The following PTPN9 variants were observed in gnomAD, a reference collection of about 807,000 sequenced individuals.
PTPN9 encodes the protein protein tyrosine phosphatase non-receptor type 9.
Under a neutral mutation model 69.8 loss-of-function variants are expected in PTPN9, and 26 were observed. That is an observed-to-expected ratio of 0.37 (90% CI 0.27 to 0.52). The LOEUF is 0.52. Ranked by LOEUF, PTPN9 falls within the 20% of genes least tolerant of loss-of-function variation. The probability of loss-of-function intolerance (pLI) is 0.91; values close to 1 mark genes in which losing one functional copy is unlikely to be tolerated. For synonymous variants in PTPN9, 274 were observed against 272.5 expected (o/e 1.01, Z -0.05); for missense variants, 549 against 740.3 (o/e 0.74, Z 3.00).
chr15:75,493,375 A>T (rs1270502303), intron 7 of PTPN9, among the ~76,000 whole-genome samples: 2 of 152,170 alleles, frequency 1.3e-5, no homozygotes, highest in Non-Finnish European at 2.9e-5. Context: ...ATTAAAAATA[A>T]TATCCAAAAT....
intron 8 of PTPN9, among the ~76,000 whole-genome samples, chr15:75,484,761 C>G (rs998685046): frequency 4.6e-5 from 7 of 152,144 alleles, no homozygotes; most frequent in Admixed American, 6.5e-5. Flanking sequence ...CACTGCATTA[C>G]AGAGAGGTCA....
At chr15:75,480,668 G>A (rs1441752117) in intron 8 of PTPN9, 34 of 1,251,058 alleles carry the variant, frequency 2.7e-5, no homozygotes, top group Admixed American at 3.9e-5. Flanking sequence ...GATATGAAGC[G>A]GAGCCGCTGC....
At chr15:75,535,953 G>A (rs2074980804) in intron 1 of PTPN9, among the ~76,000 whole-genome samples, 1 of 152,050 alleles carries the variant, frequency 6.6e-6, no homozygotes, top group South Asian at 2.1e-4. Context: ...ATATTTACTG[G>A]TTTATCTCAA....
chr15:75,485,354 CTTTTTT>C (rs891447336), intron 8 of PTPN9, among the ~76,000 whole-genome samples: 5 of 78,764 alleles, frequency 6.3e-5, no homozygotes, highest in African/African-American at 1.1e-4. Flanking sequence ...ATTGTCACTT[CTTTTTT>C]TTTTTTTTTT....
At chr15:75,557,533 A>C (rs2075083084) in intron 1 of PTPN9, among the ~76,000 whole-genome samples, 1 of 152,160 alleles carries the variant, frequency 6.6e-6, no homozygotes, top group African/African-American at 2.4e-5. Context: ...TTAGGAGTGA[A>C]ATTTCTGGGT....
chr15:75,543,096 A>G (rs1051313501), intron 1 of PTPN9, among the ~76,000 whole-genome samples: 2 of 145,454 alleles, frequency 1.4e-5, no homozygotes, highest in African/African-American at 5.1e-5. Context: ...GAGAACATGC[A>G]GTGTTTCGTT....
intron 1 of PTPN9, among the ~76,000 whole-genome samples, chr15:75,574,633 A>G (rs920928647): frequency 1.3e-5 from 2 of 152,114 alleles, no homozygotes; most frequent in African/African-American, 4.8e-5. Context: ...CTCAGGAGGT[A>G]TTCTGCTTCA....
intron 7 of PTPN9, among the ~76,000 whole-genome samples, chr15:75,505,266 C>T (rs1227702533): frequency 1.3e-5 from 2 of 149,334 alleles, no homozygotes; most frequent in Non-Finnish European, 3.0e-5. Context: ...GCAGCATGCT[C>T]GTTAAGAATC....
At chr15:75,530,077 C>T (rs1282796090) in intron 1 of PTPN9, among the ~76,000 whole-genome samples, 4 of 151,018 alleles carry the variant, frequency 2.6e-5, no homozygotes, top group African/African-American at 7.3e-5. Context: ...TGGCATGCGC[C>T]TGTGCTCCCG....
At chr15:75,530,578 TAC>T (rs1307809612) in intron 1 of PTPN9, among the ~76,000 whole-genome samples, 3 of 82,466 alleles carry the variant, frequency 3.6e-5, no homozygotes, top group Non-Finnish European at 6.4e-5. Context: ...TATTATAATA[TAC>T]TATAATATAT....
At chr15:75,493,552 G>A (rs2074722980) in intron 7 of PTPN9, among the ~76,000 whole-genome samples, 1 of 152,114 alleles carries the variant, frequency 6.6e-6, no homozygotes, top group African/African-American at 2.4e-5. Flanking sequence ...CTTGAGGTCA[G>A]AAGTTTAAGA....
rs2075055510 is a variant in PTPN9 at position 75,551,240 on chromosome 15, T to C, written c.64-23979A>G. On this transcript the variant is annotated intron_variant, in intron 1 of 12. Coordinates refer to ENST00000618819, the MANE Select transcript of PTPN9 (RefSeq NM_002833.4). Reference sequence around the variant, plus strand: ...ATGCACCAACCACCCTGCCGAGGGCTGTTAAGACATTTTAAATATGAGGAA... The same window carrying C: ...ATGCACCAACCACCCTGCCGAGGGCCGTTAAGACATTTTAAATATGAGGAA... 2.6e-5 allele frequency among the ~76,000 whole-genome samples: 4 copies of C among 152,160 alleles called. No homozygotes were observed. The South Asian group carries it at 8.3e-4, about 32-fold the overall frequency.
chr15:75,505,316 AC>A (rs1244555790), intron 7 of PTPN9, among the ~76,000 whole-genome samples: 8 of 149,940 alleles, frequency 5.3e-5, no homozygotes, highest in Admixed American at 4.7e-4. Context: ...GGACACAAAC[AC>A]TGCGGAAGGC....
At chr15:75,518,821 GA>G (rs57367538) in intron 4 of PTPN9, among the ~76,000 whole-genome samples, 3,144 of 133,186 alleles carry the variant, frequency 0.024, 97 homozygotes, top group African/African-American at 0.066. Flanking sequence ...CATCTCAGGG[GA>G]AAAAAAAAAA....
rs541912524 is a variant in PTPN9 at position 75,490,781 on chromosome 15, C to T, written c.969-480G>A. ...CTGGGACTACAGGCTCCCGCCACCA[C>T]GCCCAGCTAATTTTTTTGTATTTTT... On this transcript the variant is annotated intron_variant, in intron 7 of 12. Coordinates refer to ENST00000618819, the MANE Select transcript of PTPN9 (RefSeq NM_002833.4). 1.4e-3 allele frequency among the ~76,000 whole-genome samples: 217 copies of T among 152,254 alleles called. 2 individuals carry two copies. Among genetic ancestry groups the T allele is most frequent in the Non-Finnish European group, 6.3e-4 (43 of 68,008 alleles).
At chr15:75,472,532 C>T (rs183821525) in intron 10 of PTPN9, among the ~76,000 whole-genome samples, 49 of 151,952 alleles carry the variant, frequency 3.2e-4, no homozygotes, top group Admixed American at 2.9e-3. Flanking sequence ...CAGTGGCCCA[C>T]GCTTGTAATC....
chr15:75,550,250 C>G (rs950627436), intron 1 of PTPN9, among the ~76,000 whole-genome samples: 2 of 150,348 alleles, frequency 1.3e-5, no homozygotes, highest in Non-Finnish European at 3.0e-5. Context: ...ACTGCAACCT[C>G]CACCTCCCGG....
intron 6 of PTPN9, among the ~76,000 whole-genome samples, chr15:75,507,801 T>C (rs1350297583): frequency 6.6e-6 from 1 of 151,460 alleles, no homozygotes; most frequent in Admixed American, 6.6e-5. Flanking sequence ...TCCCAGCACT[T>C]TGGGAGGCTG....
chr15:75,491,908 T>C (rs772626523), intron 7 of PTPN9, among the ~76,000 whole-genome samples: 2 of 152,156 alleles, frequency 1.3e-5, no homozygotes, highest in Non-Finnish European at 2.9e-5. Context: ...CCAATTTCAT[T>C]TTCTTTTTGG....
Sources: allele counts gnomAD v4.1 joint callset (sites outside exome capture counted in the v4.1 genomes callset), GRCh38; gene constraint gnomAD v4.1.1; transcripts MANE v1.5; gene names NCBI Gene and HGNC (gene_info 2026-07-23, HGNC 2026-07-21).